STPG1: variants seen among roughly 807,000 people sequenced by gnomAD.
STPG1 encodes the protein O(6)-methylguanine-induced apoptosis 2.
A neutral mutation model predicts 40.1 loss-of-function variants in STPG1; 33 were observed. The ratio of observed to expected loss-of-function variants is 0.82; its 90% CI spans 0.62 to 1.10. The LOEUF (loss-of-function observed/expected upper bound fraction) is 1.10. Among genes scored for constraint, STPG1 ranks in the 50% least tolerant of loss-of-function variants. STPG1 has a pLI of 0.00. For synonymous variants in STPG1, 150 were observed against 155.0 expected (o/e 0.97, Z 0.24); for missense variants, 396 against 415.1 (o/e 0.95, Z 0.40).
intron 8 of STPG1, among the ~76,000 whole-genome samples, chr1:24,360,517 T>G (rs531143462): frequency 6.6e-6 from 1 of 152,314 alleles, no homozygotes; most frequent in South Asian, 2.1e-4. Flanking sequence ...ACAAAAGCTA[T>G]GGCCTCCTTT....
At position 24,378,364 on chromosome 1, in the gene STPG1, G is replaced by A. The variant is rs138908094; in HGVS notation, c.462+1289C>T. On this transcript the variant is annotated intron_variant, in intron 5 of 8. Coordinates refer to ENST00000337248, the MANE Select transcript of STPG1 (RefSeq NM_001199013.2). The stretch of plus-strand genomic sequence containing the variant: ...GAAAATCTTAAATGAGGCCGGGCAC[G>A]GTGGCTCCCGCCTGTAATCCCAGCA... Among the ~76,000 whole-genome samples, 49 of 152,212 alleles carry A rather than the reference G, an allele frequency of 3.2e-4. 1 individual carries two copies. The highest frequency in any genetic ancestry group is 1.1e-3 in the African/African-American group (47 of 41,540).
At position 24,357,064 on chromosome 1, in the gene STPG1, A is replaced by G. The variant is rs1000354744; in HGVS notation, c.*1479T>C. 4 of 141,424 alleles carry G rather than the reference A, an allele frequency of 2.8e-5. No homozygotes were observed. The highest frequency in any genetic ancestry group is 1.0e-4 in the African/African-American group (4 of 39,564). The allele number at this position is 141,424 out of a possible 1,614,324, so 8.8% of individuals were successfully genotyped here. A position where few individuals can be genotyped will look rare whatever the true frequency, so the allele number is the denominator to read the frequency against. On this transcript the variant is annotated 3_prime_UTR_variant, in exon 9 of 9. Coordinates refer to ENST00000337248, the MANE Select transcript of STPG1 (RefSeq NM_001199013.2). ...AATTAAGGCCCCCCCCCCCAAAAAA[A>G]AAATCCATGGTGAACAAAACATCAC...
intron 7 of STPG1, chr1:24,364,376 C>T (rs1641319034): frequency 6.5e-7 from 1 of 1,534,622 alleles, no homozygotes; most frequent in Non-Finnish European, 8.8e-7. Flanking sequence ...GAATGACACA[C>T]CCACCTGGAG....
Position 24,369,850 on chromosome 1 carries a change from A to G in STPG1, c.572-11T>C. The G allele has an allele frequency of 6.3e-7, 1 of 1,577,062 alleles. No homozygotes were observed. Among genetic ancestry groups the G allele is most frequent in the Non-Finnish European group, 8.6e-7 (1 of 1,159,386 alleles). ...TGATATCATAATGCCCTAAGGAGAA[A>G]GAAATTTTAGGACAGAATAAGGAAC... On this transcript the variant is annotated splice_polypyrimidine_tract_variant and intron_variant, in intron 6 of 8. Coordinates refer to ENST00000337248, the MANE Select transcript of STPG1 (RefSeq NM_001199013.2).
intron 7 of STPG1, among the ~76,000 whole-genome samples, chr1:24,361,425 C>T (rs1033621256): frequency 6.6e-6 from 1 of 152,042 alleles, no homozygotes; most frequent in African/African-American, 2.4e-5. Context: ...TAGTGCCTGG[C>T]TGGAGTTCTG....
At chr1:24,409,974 A>G (rs571541650) in intron 1 of STPG1, among the ~76,000 whole-genome samples, 2 of 152,224 alleles carry the variant, frequency 1.3e-5, no homozygotes, top group Non-Finnish European at 2.9e-5. Flanking sequence ...TGAGGTTGCT[A>G]AGATCTACAG....
chr1:24,376,274 G>C (rs1469023938), intron 5 of STPG1, among the ~76,000 whole-genome samples: 1 of 152,178 alleles, frequency 6.6e-6, no homozygotes, highest in African/African-American at 2.4e-5. Context: ...GTCCACCTTG[G>C]CCTCCCAAAG....
chr1:24,398,023 G>A (rs1022411185), intron 2 of STPG1, among the ~76,000 whole-genome samples: 1 of 152,046 alleles, frequency 6.6e-6, no homozygotes, highest in Non-Finnish European at 1.5e-5. Flanking sequence ...ATTTTTCATA[G>A]TCGTTGTACT....
intron 3 of STPG1, among the ~76,000 whole-genome samples, chr1:24,385,478 T>C (rs1642466267): frequency 6.6e-6 from 1 of 152,112 alleles, no homozygotes; most frequent in Non-Finnish European, 1.5e-5. Context: ...TGCGAAGGGC[T>C]ATGGGGAGAC....
At chr1:24,381,361 C>T (rs1305196627) in intron 4 of STPG1, among the ~76,000 whole-genome samples, 2 of 152,226 alleles carry the variant, frequency 1.3e-5, no homozygotes, top group East Asian at 3.8e-4. Context: ...AATGTGGCTA[C>T]AGTAACACTC....
At chr1:24,373,045 C>T (rs941616844) in intron 6 of STPG1, among the ~76,000 whole-genome samples, 7 of 152,158 alleles carry the variant, frequency 4.6e-5, no homozygotes, top group Admixed American at 1.3e-4. Flanking sequence ...TGATGGAGGA[C>T]GTGGGCTCGT....
intron 7 of STPG1, chr1:24,364,350 C>A (rs1189846276): frequency 6.5e-7 from 1 of 1,546,166 alleles, no homozygotes. Context: ...ACAGCCTGCA[C>A]TTCACTGTAA....
At chr1:24,395,617 A>G (rs1212147976) in intron 2 of STPG1, among the ~76,000 whole-genome samples, 1 of 151,976 alleles carries the variant, frequency 6.6e-6, no homozygotes. Flanking sequence ...TATTTTTAGT[A>G]GAGACGGGGT....
intron 4 of STPG1, among the ~76,000 whole-genome samples, chr1:24,381,369 C>T (rs1197302879): frequency 6.6e-6 from 1 of 152,204 alleles, no homozygotes; most frequent in Non-Finnish European, 1.5e-5. Context: ...TACAGTAACA[C>T]TCACTCACCA....
At chr1:24,388,817 A>T (rs1233633276) in intron 3 of STPG1, among the ~76,000 whole-genome samples, 1 of 152,230 alleles carries the variant, frequency 6.6e-6, no homozygotes, top group East Asian at 1.9e-4. Flanking sequence ...GAGAACGAAC[A>T]TAGAATAGGA....
intron 7 of STPG1, among the ~76,000 whole-genome samples, chr1:24,366,251 G>A (rs1641455935): frequency 6.6e-6 from 1 of 152,184 alleles, no homozygotes. Context: ...GCTCCACGTA[G>A]CCGTGGAGAG....
At chr1:24,402,132 G>A (rs1643250416) in intron 1 of STPG1, among the ~76,000 whole-genome samples, 1 of 152,188 alleles carries the variant, frequency 6.6e-6, no homozygotes, top group Non-Finnish European at 1.5e-5. Flanking sequence ...TATCTATGAT[G>A]CTGAGAAGCT....
chr1:24,357,891 G>T lies in STPG1; in HGVS notation c.*652C>A, dbSNP rs1013178858. The T allele has an allele frequency of 1.6e-5, 5 of 319,236 alleles. No individual in the cohort carries two copies. Among genetic ancestry groups the T allele is most frequent in the Non-Finnish European group, 3.1e-5 (5 of 161,802 alleles). 19.8% of individuals were successfully genotyped at this position (319,236 alleles called of 1,614,324 possible). ...AGGGAAAAGCGCAGCCCCCGGGCCC[G>T]GCCACTGCCATTCCAAGATGATCTC... is the stretch of plus-strand genomic sequence containing the variant. On this transcript the variant is annotated 3_prime_UTR_variant, in exon 9 of 9. Transcript: ENST00000337248.
chr1:24,397,209 GAAAA>G (rs1177154385), intron 2 of STPG1, among the ~76,000 whole-genome samples: 1 of 152,048 alleles, frequency 6.6e-6, no homozygotes, highest in Non-Finnish European at 1.5e-5. Context: ...AAAACTGCGA[GAAAA>G]AATAGAAAAT....
Sources: gnomAD v4.1 joint callset for allele counts (sites outside exome capture counted in the v4.1 genomes callset) on GRCh38, gnomAD v4.1.1 for gene constraint, MANE v1.5 for transcripts, NCBI Gene and HGNC (gene_info 2026-07-23, HGNC 2026-07-21) for gene names.